Variants in WWC1 observed in about 807,000 individuals in gnomAD.
WWC1 encodes the protein protein KIBRA.
In WWC1, 55 loss-of-function variants were observed where a neutral mutation model predicts 138.4. The observed-to-expected ratio is 0.40, with a 90% confidence interval of 0.32 to 0.50. WWC1 has a LOEUF of 0.50. Ranked by LOEUF, WWC1 falls within the 20% of genes least tolerant of loss-of-function variation. The pLI is 0.72. For missense variants in WWC1, 1,226 were observed against 1,420.4 expected (o/e 0.86, Z 2.20); for synonymous variants, 524 against 564.9 (o/e 0.93, Z 1.03).
At chr5:168,388,048 CA>C (rs1778177065) in intron 3 of WWC1, among the ~76,000 whole-genome samples, 1 of 152,154 alleles carries the variant, frequency 6.6e-6, no homozygotes, top group African/African-American at 2.4e-5. Context: ...AATTACCCTA[CA>C]AATCACTCAC....
rs138110341 is a variant in WWC1, at chr5:168,430,129, C to T, written c.2001-8C>T. 6.2e-7 allele frequency: 1 copy of T among 1,607,970 alleles called. No homozygotes were observed. Among genetic ancestry groups the T allele is most frequent in the Non-Finnish European group, 8.5e-7 (1 of 1,174,698 alleles). Reference sequence around the variant, plus strand: ...AATAGGTACTTCATATGCCCCTTTTCATTTCAGGTATGATGAGAAGAATAA... The same window carrying T: ...AATAGGTACTTCATATGCCCCTTTTTATTTCAGGTATGATGAGAAGAATAA... On this transcript the variant is annotated splice_region_variant and splice_polypyrimidine_tract_variant and intron_variant, in intron 13 of 22. Transcript: ENST00000265293.
Position 168,388,712 on chromosome 5 carries a change from C to A in WWC1, c.433+3298C>A, listed in dbSNP as rs566921040. Among the ~76,000 whole-genome samples, 10 of 151,994 alleles carry A rather than the reference C, an allele frequency of 6.6e-5. No homozygotes were observed. In the South Asian group the frequency reaches 2.1e-3, roughly 32 times the overall value. On this transcript the variant is annotated intron_variant, in intron 3 of 22. Transcript: ENST00000265293. Reference sequence around the variant, plus strand: ...GGGCGTGGTGGCACGTGCCTGTAATCCCAGCTACTCAGGAGGCTGAGGCAG... The same window carrying A: ...GGGCGTGGTGGCACGTGCCTGTAATACCAGCTACTCAGGAGGCTGAGGCAG...
intron 3 of WWC1, 94 bp downstream of exon 3, chr5:168,385,508 C>A (rs1207655072): frequency 1.6e-6 from 2 of 1,266,478 alleles, no homozygotes; most frequent in East Asian, 5.0e-5. Context: ...CTGCCCATTT[C>A]TCTTCACCTC....
At position 168,409,926 on chromosome 5, in the gene WWC1, G is replaced by C; in HGVS notation, c.872G>C (p.Gly291Ala). The C allele has an allele frequency of 6.2e-7, 1 of 1,613,910 alleles. No individual in the cohort carries two copies. Among genetic ancestry groups the C allele is most frequent in the Non-Finnish European group, 8.5e-7 (1 of 1,179,864 alleles). Residue 291 changes from glycine (G) to alanine (A), a missense_variant, in exon 8 of 23, where the codon GGC (glycine) becomes GCC (alanine). Physicochemically the swap from Gly to Ala is moderately conservative, Grantham distance 60. Around this residue, in one of 3 missense-constraint regions of WWC1, gnomAD observed 1,016 missense variants for 1,153.9 expected, o/e 0.88. Transcript: ENST00000265293. Reference protein sequence around the residue: ...SSQTDISGSFGINSNNQLAEK... With the variant: ...SSQTDISGSFAINSNNQLAEK... ...GACTTTGTTCTTCTCCTCCAGTTCG[G>C]CATCAACAGCAACAATCAGTTGGCA...
chr5:168,357,497 C>T (rs894574149), intron 1 of WWC1, among the ~76,000 whole-genome samples: 34 of 130,918 alleles, frequency 2.6e-4, no homozygotes, highest in African/African-American at 5.0e-4. Flanking sequence ...TGTGTGTGCG[C>T]GCGCGCACGC....
intron 21 of WWC1, 100 bp downstream of exon 21, chr5:168,465,062 A>C: frequency 6.8e-7 from 1 of 1,467,032 alleles, no homozygotes; most frequent in South Asian, 1.4e-5. Context: ...GATGCATCCT[A>C]CAATTCCCAC....
intron 4 of WWC1, 57 bp from the exon 5 acceptor site, chr5:168,399,431 C>T (rs1158188298): frequency 1.3e-6 from 2 of 1,594,490 alleles, no homozygotes; most frequent in Non-Finnish European, 1.7e-6. Context: ...GAGAAGGCAG[C>T]CTGCACCTTG....
chr5:168,453,880 T>C, intron 17 of WWC1, 88 bp from the exon 18 acceptor site: 3 of 1,576,830 alleles, frequency 1.9e-6, no homozygotes, highest in Middle Eastern at 2.3e-4. Flanking sequence ...TCAAAAGGAT[T>C]GGAAGCCCTA....
chr5:168,465,680 C>T (rs1301768584), intron 21 of WWC1, among the ~76,000 whole-genome samples: 1 of 150,152 alleles, frequency 6.7e-6, no homozygotes, highest in African/African-American at 2.5e-5. Context: ...ACCTTAGCCT[C>T]CTGAGTAACT....
intron 1 of WWC1, among the ~76,000 whole-genome samples, chr5:168,340,170 G>T (rs7715139): frequency 0.45 from 68,821 of 151,542 alleles, 18,871 homozygotes; most frequent in Non-Finnish European, 0.62. Flanking sequence ...CCACCTCCCG[G>T]GTTCAAGTGA....
At chr5:168,383,668 A>G (rs1777821117) in intron 2 of WWC1, among the ~76,000 whole-genome samples, 1 of 152,186 alleles carries the variant, frequency 6.6e-6, no homozygotes, top group South Asian at 2.1e-4. Context: ...AAGCCATAAA[A>G]CAGGATTTTA....
intron 21 of WWC1, 135 bp downstream of exon 21, chr5:168,465,097 A>G: frequency 1.5e-6 from 2 of 1,335,412 alleles, no homozygotes; most frequent in Non-Finnish European, 2.0e-6. Flanking sequence ...AGGGTGTTCC[A>G]CCCATCCCTC....
At chr5:168,378,023 C>A (rs747224725) in intron 2 of WWC1, among the ~76,000 whole-genome samples, 3 of 152,172 alleles carry the variant, frequency 2.0e-5, no homozygotes, top group Non-Finnish European at 4.4e-5. Flanking sequence ...ATGGCATCAA[C>A]CTTAGTGCCC....
chr5:168,437,103 G>A (rs187861020), intron 15 of WWC1, among the ~76,000 whole-genome samples: 3 of 151,920 alleles, frequency 2.0e-5, no homozygotes, highest in African/African-American at 4.8e-5. Context: ...GCTCCCCTCC[G>A]GGCCTTTGCA....
chr5:168,440,355 G>T (rs1441673636), intron 15 of WWC1, among the ~76,000 whole-genome samples: 6 of 152,202 alleles, frequency 3.9e-5, no homozygotes. Flanking sequence ...TGCATTGTTG[G>T]TGGGATTATA....
At chr5:168,341,648 A>G (rs1774044435) in intron 1 of WWC1, among the ~76,000 whole-genome samples, 1 of 152,092 alleles carries the variant, frequency 6.6e-6, no homozygotes, top group South Asian at 2.1e-4. Flanking sequence ...TGGCCTTTCA[A>G]ATGGGGGAGA....
At chr5:168,326,049 G>T (rs1407763542) in intron 1 of WWC1, among the ~76,000 whole-genome samples, 1 of 151,942 alleles carries the variant, frequency 6.6e-6, no homozygotes, top group Non-Finnish European at 1.5e-5. Context: ...TTGCTTTTCT[G>T]TTCCTCTGTC....
At chr5:168,403,083 CT>C (rs1338335235) in intron 5 of WWC1, among the ~76,000 whole-genome samples, 2 of 100,446 alleles carry the variant, frequency 2.0e-5, no homozygotes, top group African/African-American at 7.6e-5. Flanking sequence ...TCTTTCTTTT[CT>C]TTCTTTTCTT....
At chr5:168,446,601 C>A (rs1029278320) in intron 17 of WWC1, among the ~76,000 whole-genome samples, 3 of 152,122 alleles carry the variant, frequency 2.0e-5, no homozygotes, top group African/African-American at 4.8e-5. Context: ...TAACTAGCAC[C>A]AAATCAAGAA....
Sources: gnomAD v4.1 joint callset for allele counts (sites outside exome capture counted in the v4.1 genomes callset) on GRCh38, gnomAD v4.1.1 for gene constraint, gnomAD v4.1.1 regional missense constraint, MANE v1.5 for transcripts, NCBI Gene and HGNC (gene_info 2026-07-23, HGNC 2026-07-21) for gene names.